Variants in SSPN observed in about 807,000 individuals in gnomAD.
SSPN encodes sarcospan, also known as K-ras oncogene-associated protein.
SSPN carries 15 observed loss-of-function variants against 19.1 expected under a neutral mutation model. That is an observed-to-expected ratio of 0.78 (90% confidence interval 0.52 to 1.21). The LOEUF is 1.21. Ranked by LOEUF, SSPN falls within the 50% of genes most tolerant of loss-of-function variation. The probability of loss-of-function intolerance (pLI) is 0.00; values close to 1 mark genes in which losing one functional copy is unlikely to be tolerated. For synonymous variants in SSPN, 147 were observed against 140.3 expected (o/e 1.05, Z -0.34); for missense variants, 291 against 314.0 (o/e 0.93, Z 0.55).
At chr12:26,163,807 A>T (rs1195107718) in intron 1 of SSPN, among the ~76,000 whole-genome samples, 1 of 152,218 alleles carries the variant, frequency 6.6e-6, no homozygotes, top group African/African-American at 2.4e-5. Flanking sequence ...TTAAATACTG[A>T]TATGTTATAT....
chr12:26,139,884 G>T (rs1944448819), intron 1 of SSPN, among the ~76,000 whole-genome samples: 1 of 152,134 alleles, frequency 6.6e-6, no homozygotes, highest in Non-Finnish European at 1.5e-5. Flanking sequence ...TTCTGAAGCG[G>T]ACACTCTTTG....
At chr12:26,162,279 C>T (rs1267844170) in intron 1 of SSPN, among the ~76,000 whole-genome samples, 3 of 152,136 alleles carry the variant, frequency 2.0e-5, no homozygotes, top group Admixed American at 6.6e-5. Context: ...TGCAGTTAAA[C>T]ATTTTTCTTT....
chr12:26,130,645 T>G (rs1275086475), intron 1 of SSPN, among the ~76,000 whole-genome samples: 1 of 152,214 alleles, frequency 6.6e-6, no homozygotes, highest in Non-Finnish European at 1.5e-5. Context: ...TTAGTTAAGG[T>G]CTGCATTTCA....
rs116742177 is a variant in SSPN, at chr12:26,166,318, G to A, written c.-31+44166G>A. Among the ~76,000 whole-genome samples the A allele has an allele frequency of 1.8e-3, 274 of 152,316 alleles. 1 individual carries two copies. The highest frequency in any genetic ancestry group is 6.3e-3 in the African/African-American group (261 of 41,568). ...TTACTGGCCAAAGGTAACAGCAAGG[G>A]TAGTTCTTTTGCATAGTCCCTTAAT... On this transcript the variant is annotated intron_variant, in intron 1 of 2. Coordinates refer to the SSPN transcript ENST00000538142.
chr12:26,166,038 C>A (rs528880764), intron 1 of SSPN, among the ~76,000 whole-genome samples: 1 of 152,210 alleles, frequency 6.6e-6, no homozygotes, highest in East Asian at 1.9e-4. Context: ...TCGCAAACAC[C>A]GCATGTTCTC....
chr12:26,168,479 G>A (rs1310160338), intron 1 of SSPN, among the ~76,000 whole-genome samples: 2 of 152,180 alleles, frequency 1.3e-5, no homozygotes, highest in African/African-American at 2.4e-5. Context: ...CTGTTGCTCC[G>A]TATGAATAAA....
chr12:26,201,115 A>G (rs994334173), intron 1 of SSPN, among the ~76,000 whole-genome samples: 19 of 148,150 alleles, frequency 1.3e-4, no homozygotes, highest in African/African-American at 4.7e-4. Context: ...GGTGTCTTAC[A>G]CCTGTAATCC....
intron 1 of SSPN, among the ~76,000 whole-genome samples, chr12:26,209,608 A>G (rs1489954224): frequency 6.6e-6 from 1 of 151,384 alleles, no homozygotes; most frequent in East Asian, 1.9e-4. Flanking sequence ...AGCAATTTTA[A>G]TTTTTCATTC....
intron 1 of SSPN, among the ~76,000 whole-genome samples, chr12:26,158,139 T>C (rs1944566653): frequency 6.6e-6 from 1 of 152,234 alleles, no homozygotes; most frequent in African/African-American, 2.4e-5. Context: ...TAGCTTGATG[T>C]GATGATCTTA....
At chr12:26,138,618 T>C (rs1462704514) in intron 1 of SSPN, among the ~76,000 whole-genome samples, 1 of 151,850 alleles carries the variant, frequency 6.6e-6, no homozygotes, top group Non-Finnish European at 1.5e-5. Context: ...TTACATTTAA[T>C]TTTAAATAGC....
intron 1 of SSPN, chr12:26,123,776 T>G (rs762126095): frequency 2.1e-6 from 3 of 1,425,866 alleles, no homozygotes; most frequent in Non-Finnish European, 9.9e-7. Flanking sequence ...GGCACTTGGT[T>G]ACTTAAAAAC....
chr12:26,198,248 C>A (rs1944848072), intron 1 of SSPN, among the ~76,000 whole-genome samples: 1 of 152,144 alleles, frequency 6.6e-6, no homozygotes. Flanking sequence ...ACTGCAACCT[C>A]CCCCTCCCAG....
At chr12:26,178,761 C>G (rs888089753) in intron 1 of SSPN, among the ~76,000 whole-genome samples, 1 of 152,164 alleles carries the variant, frequency 6.6e-6, no homozygotes, top group Non-Finnish European at 1.5e-5. Context: ...CAACTCTGGC[C>G]CCTGGTCTGT....
intron 1 of SSPN, among the ~76,000 whole-genome samples, chr12:26,208,364 A>G (rs1246466590): frequency 1.3e-5 from 2 of 152,188 alleles, no homozygotes; most frequent in Non-Finnish European, 2.9e-5. Context: ...ACTGGAATTG[A>G]ACATATTTTA....
In SSPN at chr12:26,169,825, T is replaced by C. The variant is rs1464479633; in HGVS notation, c.-31+47673T>C. Among the ~76,000 whole-genome samples, 3 of 152,148 alleles carry C rather than the reference T, an allele frequency of 2.0e-5. No homozygotes were observed. In the East Asian group the frequency reaches 5.8e-4, roughly 29 times the overall value. The stretch of plus-strand genomic sequence containing the variant: ...TTCAGCAGGTAAGGTTTTAGAAATA[T>C]TTAGGTAGTTATGTGGAAGCAGAAG... On this transcript the variant is annotated intron_variant, in intron 1 of 2. Transcript: ENST00000538142.
chr12:26,172,675 G>A (rs540511760), intron 1 of SSPN, among the ~76,000 whole-genome samples: 189 of 152,080 alleles, frequency 1.2e-3, no homozygotes, highest in Non-Finnish European at 2.1e-3. Context: ...ACTTGGAGAC[G>A]GTTTCCCACA....
At chr12:26,181,484 G>A (rs1354953869) in intron 1 of SSPN, among the ~76,000 whole-genome samples, 1 of 151,984 alleles carries the variant, frequency 6.6e-6, no homozygotes, top group African/African-American at 2.4e-5. Context: ...TTTTCTCAGT[G>A]GTGGCTTAAA....
At position 26,195,699 on chromosome 12, in the gene SSPN, C is replaced by T. The variant is rs1442129740; in HGVS notation, c.27C>T (p.Gly9=). ...TGGGCAAGAACAAGCAGCCACGCGGCCAGCAGAGGCAGGGGGGCCCGCCGG... is the reference window on the plus strand; with the variant it reads ...TGGGCAAGAACAAGCAGCCACGCGGTCAGCAGAGGCAGGGGGGCCCGCCGG... MGKNKQPR[G]QQRQGGPPAA... is the part of the protein sequence containing the mutation. The change falls in exon 1 of 3, where the codon GGC becomes GGT. Residue 9 remains glycine (G), a synonymous_variant. Transcript: ENST00000242729. 12 of 1,400,886 alleles carry T rather than the reference C, an allele frequency of 8.6e-6. No individual in the cohort carries two copies. Among genetic ancestry groups the T allele is most frequent in the African/African-American group, 1.6e-5 (1 of 63,772 alleles). 86.8% of individuals were successfully genotyped at this position (1,400,886 alleles called of 1,614,324 possible). A position where few individuals can be genotyped will look rare whatever the true frequency, so the allele number is the denominator to read the frequency against.
chr12:26,216,436 A>C (rs952004064), intron 1 of SSPN, among the ~76,000 whole-genome samples: 1 of 145,190 alleles, frequency 6.9e-6, no homozygotes, highest in African/African-American at 2.6e-5. Flanking sequence ...TTTTTTTCTT[A>C]TAAATTTGTT....
Sources: gnomAD v4.1 joint callset for allele counts (sites outside exome capture counted in the v4.1 genomes callset) on GRCh38, gnomAD v4.1.1 for gene constraint, MANE v1.5 for transcripts, NCBI Gene and HGNC (gene_info 2026-07-23, HGNC 2026-07-21) for gene names.